Variants in EHMT2 observed in about 807,000 individuals in gnomAD.
EHMT2 encodes histone-lysine N-methyltransferase EHMT2.
In EHMT2, 59 loss-of-function variants were observed where a neutral mutation model predicts 143.3. The ratio of observed to expected loss-of-function variants is 0.41; its 90% CI spans 0.33 to 0.51. The LOEUF (loss-of-function observed/expected upper bound fraction) is 0.51, where lower values mean the gene tolerates loss of function less well. Among genes scored for constraint, EHMT2 ranks in the 20% least tolerant of loss-of-function variants. EHMT2 has a pLI of 0.18. For synonymous variants in EHMT2, 604 were observed against 651.5 expected, an observed-to-expected ratio of 0.93 and a Z score of 1.11; for missense variants, 1,174 against 1,645.9, an observed-to-expected ratio of 0.71 and a Z score of 4.96.
chr6:31,885,199 C>A, intron 18 of EHMT2, 183 bp from the exon 19 acceptor site: 1 of 767,382 alleles, frequency 1.3e-6, no homozygotes, highest in Non-Finnish European at 2.0e-6. Context: ...CTAGTAGGGT[C>A]GGGCGCGGTG....
In EHMT2 at chr6:31,888,129, C is replaced by T. The variant is rs777077739; in HGVS notation, c.1657G>A (p.Gly553Arg). 1.4e-5 allele frequency: 22 copies of T among 1,612,174 alleles called. No homozygotes were observed. Among genetic ancestry groups the T allele is most frequent in the Non-Finnish European group, 1.6e-5 (19 of 1,179,752 alleles). Residue 553 changes from glycine to arginine, a missense_variant, in exon 13 of 28, where the codon GGG (glycine) becomes AGG (arginine). Transcript: ENST00000375537. The surrounding 1 kb of genome is among the most constrained non-coding windows in gnomAD (Gnocchi z 7.4). ...GCAGTGCCGGCCGGTGGGGTCACCC[C>T]GTCACCCCGGGGGATGGTCACCTCT...
Position 31,883,140 on chromosome 6 carries a change from G to T in EHMT2, c.2995-131C>A. 2.3e-6 allele frequency: 2 copies of T among 888,476 alleles called. No individual in the cohort carries two copies. The highest frequency in any genetic ancestry group is 3.6e-6 in the Non-Finnish European group (2 of 558,480). The allele number at this position is 888,476 out of a possible 1,614,324, so 55.0% of individuals were successfully genotyped here. On this transcript the variant is annotated intron_variant, in intron 23 of 27. Transcript: ENST00000375537. The surrounding 1 kb of genome is among the most constrained non-coding windows in gnomAD (Gnocchi z 5.6). ...GTCACACAGGCTCTGAGATCCGAGA[G>T]CACGAAATGCAGGAGCATCATCCCT...
At position 31,883,358 on chromosome 6, in the gene EHMT2, G is replaced by C. The variant is rs377255094; in HGVS notation, c.2994+4C>G. On this transcript the variant is annotated splice_donor_region_variant and intron_variant, in intron 23 of 27. Transcript: ENST00000375537. The surrounding 1 kb of genome is among the most constrained non-coding windows in gnomAD (Gnocchi z 5.6). ...TGTCTGTGGCCAAGGCAAGGGGCAC[G>C]CACCTTGTCATACCAGCACCGGATG... 9.9e-6 allele frequency: 16 copies of C among 1,612,670 alleles called. No homozygotes were observed. The highest frequency in any genetic ancestry group is 3.3e-5 in the Admixed American group (2 of 59,976).
At chr6:31,895,148 C>A (rs530209519) in intron 4 of EHMT2, among the ~76,000 whole-genome samples, 2 of 152,198 alleles carry the variant, frequency 1.3e-5, no homozygotes. Context: ...TCAGGCTCAG[C>A]GAGAAGTCAG....
Position 31,888,199 on chromosome 6 carries a change from C to A in EHMT2, c.1587G>T (p.Gly529=). 6.2e-7 allele frequency: 1 copy of A among 1,613,048 alleles called. No individual in the cohort carries two copies. Among genetic ancestry groups the A allele is most frequent in the Non-Finnish European group, 8.5e-7 (1 of 1,180,008 alleles). Residue 529 remains glycine, a synonymous_variant, in exon 13 of 28, where the codon GGG becomes GGT. Transcript: ENST00000375537. The surrounding 1 kb of genome is among the most constrained non-coding windows in gnomAD (Gnocchi z 7.4). ...CCCCACAGTGGGGACAGAAGACCAT[C>A]CCATTCAGCTGAGACACACAGGCCT...
chr6:31,887,341 C>A (rs1233512788), intron 15 of EHMT2, among the ~76,000 whole-genome samples: 1 of 152,182 alleles, frequency 6.6e-6, no homozygotes, highest in African/African-American at 2.4e-5. Flanking sequence ...TGTGCAAGGT[C>A]CCTAACCTCT....
intron 4 of EHMT2, among the ~76,000 whole-genome samples, chr6:31,893,906 T>C (rs1290423020): frequency 3.9e-5 from 6 of 152,204 alleles, no homozygotes; most frequent in African/African-American, 1.4e-4. Flanking sequence ...AGATGAGTTA[T>C]GGTGACTGAT....
In EHMT2 at chr6:31,889,269, T is replaced by C. The variant is rs890912593; in HGVS notation, c.1073A>G (p.Lys358Arg). Residue 358 changes from lysine (K) to arginine (R), a missense_variant, in exon 9 of 28, where the codon AAA (lysine) becomes AGA (arginine). Around this residue, in one of 6 missense-constraint regions of EHMT2, gnomAD observed 608 missense variants for 903.7 expected, o/e 0.67. Coordinates refer to ENST00000375537, the Ensembl canonical transcript of EHMT2. The surrounding 1 kb of genome is among the most constrained non-coding windows in gnomAD (Gnocchi z 5.1). The stretch of plus-strand genomic sequence containing the variant: ...CCGCGGAGGCTCCCGCTTGCGCCGT[T>C]TCCGAGACGGCTTCACCCATGGGCT... 5 of 1,612,168 alleles carry C rather than the reference T, an allele frequency of 3.1e-6. No homozygotes were observed. Among genetic ancestry groups the C allele is most frequent in the Middle Eastern group, 1.7e-4 (1 of 6,060 alleles).
At position 31,884,409 on chromosome 6, in the gene EHMT2, T is replaced by C. The variant is rs752100361; in HGVS notation, c.2754A>G (p.Thr918=). Residue 918 remains threonine (T), a synonymous_variant, in exon 21 of 28, where the codon ACA becomes ACG. Coordinates refer to ENST00000375537, the Ensembl canonical transcript of EHMT2. The surrounding 1 kb of genome is among the most constrained non-coding windows in gnomAD (Gnocchi z 7.3). Reference sequence around the variant, plus strand: ...GGGCTCACCGGCAGATGATCTTCTCTGTGCGGATGGCCCGATTTCCCACCC... The same window carrying C: ...GGGCTCACCGGCAGATGATCTTCTCCGTGCGGATGGCCCGATTTCCCACCC... 10 of 1,612,488 alleles carry C rather than the reference T, an allele frequency of 6.2e-6. No homozygotes were observed. Among genetic ancestry groups the C allele is most frequent in the Non-Finnish European group, 8.5e-6 (10 of 1,179,966 alleles).
At position 31,896,809 on chromosome 6, in the gene EHMT2, C is replaced by A. The variant is rs1380164594; in HGVS notation, c.125G>T (p.Gly42Val). Residue 42 changes from glycine (G) to valine (V), a missense_variant, in exon 3 of 28, where the codon GGG (glycine) becomes GTG (valine). By Grantham distance (109) the Gly-to-Val change is moderately radical. Coordinates refer to ENST00000375537, the Ensembl canonical transcript of EHMT2. ...GGTTTCTTCACTACGAGGGGTGTCC[C>A]CCAAAGAGCCATGAACTGTAGAGGA... The A allele has an allele frequency of 4.3e-6, 7 of 1,612,866 alleles. No individual in the cohort carries two copies. The Admixed American group carries it at 1.2e-4, about 27-fold the overall frequency.
rs898731294 is a variant in EHMT2, at chr6:31,883,153, G to A, written c.2995-144C>T. On this transcript the variant is annotated intron_variant, in intron 23 of 27. Coordinates refer to ENST00000375537, the Ensembl canonical transcript of EHMT2. The surrounding 1 kb of genome is among the most constrained non-coding windows in gnomAD (Gnocchi z 5.6). ...TGAGATCCGAGAGCACGAAATGCAG[G>A]AGCATCATCCCTGGTTTGCATAGAC... 8.1e-6 allele frequency: 7 copies of A among 861,892 alleles called. No individual in the cohort carries two copies. Among genetic ancestry groups the A allele is most frequent in the Middle Eastern group, 3.4e-4 (1 of 2,930 alleles). The allele number at this position is 861,892 out of a possible 1,614,324, so 53.4% of individuals were successfully genotyped here. A position where few individuals can be genotyped will look rare whatever the true frequency, so the allele number is the denominator to read the frequency against.
rs746585525 is a variant in EHMT2, at chr6:31,896,831, A to G, written c.110-7T>C. The G allele has an allele frequency of 3.1e-6, 5 of 1,612,778 alleles. No homozygotes were observed. The highest frequency in any genetic ancestry group is 4.2e-6 in the Non-Finnish European group (5 of 1,179,988). Reference sequence around the variant, plus strand: ...TCCCCCAAAGAGCCATGAACTGTAGAGGAAGAGAAAAAGTTCAGAGCTAAG... The same window carrying G: ...TCCCCCAAAGAGCCATGAACTGTAGGGGAAGAGAAAAAGTTCAGAGCTAAG... On this transcript the variant is annotated splice_polypyrimidine_tract_variant and splice_region_variant and intron_variant, in intron 2 of 27. Coordinates refer to ENST00000375537, the Ensembl canonical transcript of EHMT2.
intron 4 of EHMT2, among the ~76,000 whole-genome samples, chr6:31,893,997 T>TG (rs1766033227): frequency 6.6e-6 from 1 of 152,138 alleles, no homozygotes; most frequent in Non-Finnish European, 1.5e-5. Flanking sequence ...AATTTTTAGA[T>TG]GGAGTCTCAC....
At chr6:31,897,132 C>A in intron 1 of EHMT2, 143 bp from the exon 2 acceptor site, 1 of 1,395,770 alleles carries the variant, frequency 7.2e-7, no homozygotes, top group South Asian at 1.7e-5. Context: ...GCGGCCTCGG[C>A]TGCCCGGAGG....
chr6:31,888,601 C>T lies in EHMT2; in HGVS notation c.1363G>A (p.Glu455Lys), dbSNP rs1765229778. The stretch of plus-strand genomic sequence containing the variant: ...CTCCCACCAGCCCACGGCCCCACCT[C>T]TCCGTCCACACTCTCAGTGGCCATG... The change falls in exon 11 of 28, where the codon GAG becomes AAG. Residue 455 changes from glutamate to lysine, a missense_variant and splice_region_variant. Transcript: ENST00000375537. The surrounding 1 kb of genome is among the most constrained non-coding windows in gnomAD (Gnocchi z 7.4). 6.2e-7 allele frequency: 1 copy of T among 1,612,552 alleles called. No homozygotes were observed. Among genetic ancestry groups the T allele is most frequent in the Non-Finnish European group, 8.5e-7 (1 of 1,179,872 alleles).
At position 31,883,526 on chromosome 6, in the gene EHMT2, T is replaced by C; in HGVS notation, c.2917-87A>G. The C allele has an allele frequency of 7.3e-7, 1 of 1,375,118 alleles. No homozygotes were observed. Among genetic ancestry groups the C allele is most frequent in the Non-Finnish European group, 1.0e-6 (1 of 984,824 alleles). 85.2% of individuals were successfully genotyped at this position (1,375,118 alleles called of 1,614,324 possible). ...ATGCCCCCTGACCCCCTAACCACTG[T>C]CCTTTCTTTGGGGTCCATGTGTTAC... On this transcript the variant is annotated intron_variant, in intron 22 of 27. Coordinates refer to ENST00000375537, the Ensembl canonical transcript of EHMT2. The surrounding 1 kb of genome is among the most constrained non-coding windows in gnomAD (Gnocchi z 5.6).
Position 31,886,902 on chromosome 6 carries a change from G to C in EHMT2, c.2119-5C>G. The stretch of plus-strand genomic sequence containing the variant: ...TGCATTTATGTTGGCTCCAGCCTGT[G>C]AGGGGGCAGGAGGGCTGGCACCAGG... On this transcript the variant is annotated splice_region_variant and splice_polypyrimidine_tract_variant and intron_variant, in intron 16 of 27. Coordinates refer to ENST00000375537, the Ensembl canonical transcript of EHMT2. 1 of 1,614,052 alleles carries C rather than the reference G, an allele frequency of 6.2e-7. No individual in the cohort carries two copies. The highest frequency in any genetic ancestry group is 8.5e-7 in the Non-Finnish European group (1 of 1,179,998).
Position 31,887,121 on chromosome 6 carries a change from C to A in EHMT2, c.2012-20G>T. ...TGTCCACTGCGGGGAGAGCCCGCCA[C>A]ACCGGGAGAGGGAGGGACAAGTGGT... is the stretch of plus-strand genomic sequence containing the variant. On this transcript the variant is annotated intron_variant, in intron 15 of 27. Transcript: ENST00000375537. 1.3e-6 allele frequency: 2 copies of A among 1,576,448 alleles called. No homozygotes were observed. The highest frequency in any genetic ancestry group is 1.7e-6 in the Non-Finnish European group (2 of 1,155,414).
In EHMT2 at chr6:31,889,176, G is replaced by A; in HGVS notation, c.1114+52C>T. 6.4e-7 allele frequency: 1 copy of A among 1,557,990 alleles called. No homozygotes were observed. Among genetic ancestry groups the A allele is most frequent in the Non-Finnish European group, 8.7e-7 (1 of 1,147,866 alleles). Reference sequence around the variant, plus strand: ...GCGTGTGTGTGCGTGCACACACTCTGGGGGGCCGGGCGGGGGCTGGAGGGC... The same window carrying A: ...GCGTGTGTGTGCGTGCACACACTCTAGGGGGCCGGGCGGGGGCTGGAGGGC... On this transcript the variant is annotated intron_variant, in intron 9 of 27. Coordinates refer to ENST00000375537, the Ensembl canonical transcript of EHMT2. The surrounding 1 kb of genome is among the most constrained non-coding windows in gnomAD (Gnocchi z 5.1).
Sources: allele counts gnomAD v4.1 joint callset (sites outside exome capture counted in the v4.1 genomes callset), GRCh38; gene constraint gnomAD v4.1.1; regional missense constraint gnomAD v4.1.1; non-coding constraint Gnocchi (gnomAD v3.1); transcripts MANE v1.5; gene names NCBI Gene and HGNC (gene_info 2026-07-23, HGNC 2026-07-21).